The following MAOA variants were observed in gnomAD, a reference collection of about 807,000 sequenced individuals.
MAOA encodes monoamine oxidase A.
Under a neutral mutation model 42.0 loss-of-function variants are expected in MAOA, and 6 were observed. The observed-to-expected ratio is 0.14, with a 90% CI of 0.08 to 0.28. MAOA has a LOEUF of 0.28. Among genes scored for constraint, MAOA ranks in the 10% least tolerant of loss-of-function variants. The pLI, the probability that MAOA is intolerant of heterozygous loss-of-function variation, is 1.00. For missense variants in MAOA, 262 were observed against 422.3 expected (o/e 0.62, Z 3.33); for synonymous variants, 140 against 154.0 (o/e 0.91, Z 0.67).
intron 1 of MAOA, among the ~76,000 whole-genome samples, chrX:43,659,425 G>T (rs1007801713): frequency 9.0e-6 from 1 of 111,467 alleles, no homozygotes; most frequent in Non-Finnish European, 1.9e-5. Context: ...TTTCAGCGAT[G>T]CTATTGGATC....
At chrX:43,740,245 G>A (rs1458160868) in intron 10 of MAOA, among the ~76,000 whole-genome samples, 1 of 111,651 alleles carries the variant, frequency 9.0e-6, no homozygotes, top group Non-Finnish European at 1.9e-5. Flanking sequence ...TAAAACACAA[G>A]TATAGGATAG....
chrX:43,684,560 C>CAAAAG (rs2033469312), intron 2 of MAOA, among the ~76,000 whole-genome samples: 1 of 110,898 alleles, frequency 9.0e-6, no homozygotes, highest in Non-Finnish European at 1.9e-5. Context: ...CAAAACAAAA[C>CAAAAG]AAAACAAAAC....
At chrX:43,722,883 C>A (rs959697767) in intron 5 of MAOA, among the ~76,000 whole-genome samples, 5 of 111,715 alleles carry the variant, frequency 4.5e-5, no homozygotes, top group Non-Finnish European at 9.4e-5. Context: ...AGGAAGGGAT[C>A]CAATTTCAGC....
At chrX:43,729,315 T>G (rs1298743428) in intron 6 of MAOA, among the ~76,000 whole-genome samples, 1 of 112,613 alleles carries the variant, frequency 8.9e-6, no homozygotes, top group South Asian at 3.7e-4. Context: ...ACATTTGATA[T>G]TTGTTTCCTT....
chrX:43,699,513 C>A (rs2033605909), intron 3 of MAOA, among the ~76,000 whole-genome samples: 1 of 111,084 alleles, frequency 9.0e-6, no homozygotes, highest in African/African-American at 3.3e-5. Flanking sequence ...TCACGTTCTT[C>A]CTGCTTTTCA....
At chrX:43,675,853 T>TG (rs1255090457) in intron 1 of MAOA, among the ~76,000 whole-genome samples, 2 of 111,902 alleles carry the variant, frequency 1.8e-5, no homozygotes, top group Non-Finnish European at 3.8e-5. Context: ...CTGCCTCTAC[T>TG]GGGGGGTGCC....
At chrX:43,678,157 C>T (rs1188277288) in intron 1 of MAOA, among the ~76,000 whole-genome samples, 2 of 111,167 alleles carry the variant, frequency 1.8e-5, no homozygotes, top group Non-Finnish European at 1.9e-5. Flanking sequence ...TGAAACAGTC[C>T]CCGCTTCCCA....
rs192996768 is a variant in MAOA at position 43,725,285 on chromosome X, G to A, written c.504-2888G>A. ...CAGTGGGGTATTAAAGTCTCCCACC[G>A]TTATTGTGTGGGAGTCTAAGTCTCT... On this transcript the variant is annotated intron_variant, in intron 5 of 14. Transcript: ENST00000338702. Among the ~76,000 whole-genome samples, 11 of 111,393 alleles carry A rather than the reference G, an allele frequency of 9.9e-5. No homozygotes were observed. In the East Asian group the frequency reaches 1.7e-3, roughly 17 times the overall value.
intron 5 of MAOA, among the ~76,000 whole-genome samples, chrX:43,724,858 A>G (rs1342047104): frequency 8.9e-6 from 1 of 111,860 alleles, no homozygotes; most frequent in Non-Finnish European, 1.9e-5. Context: ...TGTCCCAGAG[A>G]TTCTGGTACG....
At chrX:43,679,588 C>G (rs2033426866) in intron 1 of MAOA, among the ~76,000 whole-genome samples, 1 of 110,708 alleles carries the variant, frequency 9.0e-6, no homozygotes, top group South Asian at 3.9e-4. Context: ...CAGGCCCCAC[C>G]ACTGTTGTTC....
intron 6 of MAOA, 69 bp from the exon 7 acceptor site, chrX:43,731,172 A>G: frequency 2.8e-6 from 3 of 1,068,364 alleles, no homozygotes; most frequent in South Asian, 1.9e-5. Context: ...TTTTCTAATC[A>G]GTAGCCAGTA....
At chrX:43,689,403 A>G (rs1316263105) in intron 2 of MAOA, among the ~76,000 whole-genome samples, 1 of 111,314 alleles carries the variant, frequency 9.0e-6, no homozygotes, top group Non-Finnish European at 1.9e-5. Flanking sequence ...TTTTGGGTTA[A>G]TGGTTTTCTT....
chrX:43,667,076 G>A (rs766157420), intron 1 of MAOA, among the ~76,000 whole-genome samples: 26 of 109,729 alleles, frequency 2.4e-4, no homozygotes, highest in African/African-American at 6.0e-4. Context: ...CCAACCTGGT[G>A]CATGTATACA....
chrX:43,728,139 T>C, intron 5 of MAOA, 34 bp from the exon 6 acceptor site: 1 of 1,194,472 alleles, frequency 8.4e-7, no homozygotes, highest in East Asian at 3.0e-5. Context: ...CTGTACATAT[T>C]GACACCTGAC....
chrX:43,744,229 T>G, intron 14 of MAOA, 58 bp downstream of exon 14: 1 of 1,137,200 alleles, frequency 8.8e-7, no homozygotes, highest in South Asian at 1.8e-5. Flanking sequence ...AACATAAAAC[T>G]CACATCTCCC....
intron 14 of MAOA, 83 bp downstream of exon 14, chrX:43,744,254 G>A: frequency 8.9e-7 from 1 of 1,122,731 alleles, no homozygotes; most frequent in Middle Eastern, 2.4e-4. Flanking sequence ...TCTAGCCTCC[G>A]ATTTAATTAT....
At chrX:43,740,629 A>C (rs1485029193) in intron 10 of MAOA, 52 bp from the exon 11 acceptor site, 1 of 1,045,110 alleles carries the variant, frequency 9.6e-7, no homozygotes, top group Non-Finnish European at 1.3e-6. Flanking sequence ...TATACCCATC[A>C]GTTACTCCTT....
chrX:43,720,735 C>T (rs762583855), intron 5 of MAOA, among the ~76,000 whole-genome samples: 11 of 83,838 alleles, frequency 1.3e-4, no homozygotes, highest in South Asian at 7.6e-4. Flanking sequence ...TTATATCTTC[C>T]GGGAATGTGA....
intron 1 of MAOA, among the ~76,000 whole-genome samples, chrX:43,659,653 C>G (rs775708800): frequency 4.5e-5 from 5 of 111,088 alleles, no homozygotes; most frequent in African/African-American, 1.6e-4. Flanking sequence ...AACTCCTGTC[C>G]CATAGCTTAT....
Sources: gnomAD v4.1 joint callset for allele counts (sites outside exome capture counted in the v4.1 genomes callset) on GRCh38, gnomAD v4.1.1 for gene constraint, MANE v1.5 for transcripts, NCBI Gene and HGNC (gene_info 2026-07-23, HGNC 2026-07-21) for gene names.